DCDC2: variants seen among roughly 807,000 people sequenced by gnomAD.
The protein encoded by DCDC2 is doublecortin domain-containing protein 2.
DCDC2 carries 40 observed loss-of-function variants against 50.2 expected under a neutral mutation model. That is an observed-to-expected ratio of 0.80 (90% CI 0.62 to 1.04). DCDC2 has a LOEUF of 1.04. Ranked by LOEUF, DCDC2 falls within the 50% of genes least tolerant of loss-of-function variation. The probability of loss-of-function intolerance (pLI) is 0.00; values close to 1 mark genes in which losing one functional copy is unlikely to be tolerated. For synonymous variants in DCDC2, 234 were observed against 210.6 expected, an observed-to-expected ratio of 1.11 and a Z score of -0.96; for missense variants, 570 against 581.9, an observed-to-expected ratio of 0.98 and a Z score of 0.21.
intron 2 of DCDC2, among the ~76,000 whole-genome samples, chr6:24,321,478 G>C (rs1759772829): frequency 6.6e-6 from 1 of 152,096 alleles, no homozygotes; most frequent in Non-Finnish European, 1.5e-5. Context: ...TGTACTGCAA[G>C]GACAAATACA....
chr6:24,327,453 C>CTTATTTATTTATTTATTTATTTAT (rs58552034), intron 2 of DCDC2, among the ~76,000 whole-genome samples: 5 of 136,612 alleles, frequency 3.7e-5, no homozygotes, highest in African/African-American at 5.4e-5. Flanking sequence ...ACATTATAAA[C>CTTATTTATTTATTTATTTATTTAT]TTATTTATTT....
chr6:24,330,198 C>A (rs990723596), intron 2 of DCDC2, among the ~76,000 whole-genome samples: 1 of 152,112 alleles, frequency 6.6e-6, no homozygotes, highest in African/African-American at 2.4e-5. Flanking sequence ...CTGGCTGATC[C>A]CTCCTGGTAT....
At chr6:24,235,315 G>A (rs539164387) in intron 7 of DCDC2, among the ~76,000 whole-genome samples, 1 of 152,188 alleles carries the variant, frequency 6.6e-6, no homozygotes, top group Non-Finnish European at 1.5e-5. Context: ...AAGCAGGAAA[G>A]ATCCTCTTTT....
intron 1 of DCDC2, among the ~76,000 whole-genome samples, chr6:24,354,337 C>T (rs1760427072): frequency 6.6e-6 from 1 of 151,974 alleles, no homozygotes; most frequent in Admixed American, 6.6e-5. Flanking sequence ...ATAAAATGTG[C>T]TAAATAAACA....
At chr6:24,208,934 G>T (rs1455621710) in intron 7 of DCDC2, among the ~76,000 whole-genome samples, 1 of 152,196 alleles carries the variant, frequency 6.6e-6, no homozygotes, top group Non-Finnish European at 1.5e-5. Flanking sequence ...AATACAATCT[G>T]TATTCATATA....
chr6:24,343,367 T>C (rs1053057131), intron 2 of DCDC2, among the ~76,000 whole-genome samples: 7 of 152,192 alleles, frequency 4.6e-5, no homozygotes, highest in African/African-American at 1.4e-4. Context: ...CTTGAGGAAA[T>C]GTAAAATCAT....
chr6:24,212,864 A>G (rs1581590034), intron 7 of DCDC2, among the ~76,000 whole-genome samples: 1 of 152,220 alleles, frequency 6.6e-6, no homozygotes, highest in East Asian at 1.9e-4. Flanking sequence ...GGGAAGTCAT[A>G]TCACCACTGT....
At chr6:24,261,204 C>CT (rs10694761) in intron 7 of DCDC2, among the ~76,000 whole-genome samples, 31,695 of 135,584 alleles carry the variant, frequency 0.23, 4,113 homozygotes, top group African/African-American at 0.34. Flanking sequence ...CATTTTCTTG[C>CT]TTTTTTTTTT....
At chr6:24,259,425 G>T (rs1004234750) in intron 7 of DCDC2, among the ~76,000 whole-genome samples, 25 of 152,120 alleles carry the variant, frequency 1.6e-4, no homozygotes. Context: ...ATTTTTAGAA[G>T]AGTGCATGGC....
chr6:24,230,575 T>C (rs1762320447), intron 7 of DCDC2, among the ~76,000 whole-genome samples: 1 of 152,088 alleles, frequency 6.6e-6, no homozygotes. Context: ...GCCCGGGAGT[T>C]CGAGGCTGCA....
At chr6:24,280,368 G>GC (rs1472382255) in intron 6 of DCDC2, among the ~76,000 whole-genome samples, 1 of 140,684 alleles carries the variant, frequency 7.1e-6, no homozygotes, top group Non-Finnish European at 1.6e-5. Context: ...GCAACCAGGG[G>GC]TTTTTTTTTT....
chr6:24,313,716 T>C (rs1759612962), intron 2 of DCDC2, among the ~76,000 whole-genome samples: 1 of 152,224 alleles, frequency 6.6e-6, no homozygotes, highest in South Asian at 2.1e-4. Flanking sequence ...CAACTGTACA[T>C]GATCTACATT....
At chr6:24,249,320 A>C (rs757626767) in intron 7 of DCDC2, among the ~76,000 whole-genome samples, 10 of 152,162 alleles carry the variant, frequency 6.6e-5, no homozygotes, top group Admixed American at 1.3e-4. Flanking sequence ...TTAATTGCTA[A>C]AATTCTATTT....
At position 24,174,500 on chromosome 6, in the gene DCDC2, T is replaced by C; in HGVS notation, c.*230A>G. Reference sequence around the variant, plus strand: ...TGCAAATTCTCCTCTGTCCGTCTTATTTAATATTTCTATATGACTTTTAAA... The same window carrying C: ...TGCAAATTCTCCTCTGTCCGTCTTACTTAATATTTCTATATGACTTTTAAA... On this transcript the variant is annotated 3_prime_UTR_variant, in exon 10 of 10. Coordinates refer to ENST00000378454, the MANE Select transcript of DCDC2 (RefSeq NM_016356.5). 3.1e-6 allele frequency: 1 copy of C among 320,566 alleles called. No homozygotes were observed. The allele number at this position is 320,566 out of a possible 1,614,324, so 19.9% of individuals were successfully genotyped here. A position where few individuals can be genotyped will look rare whatever the true frequency, so the allele number is the denominator to read the frequency against.
At chr6:24,253,749 A>T (rs1754516534) in intron 7 of DCDC2, among the ~76,000 whole-genome samples, 2 of 152,174 alleles carry the variant, frequency 1.3e-5, no homozygotes, top group African/African-American at 4.8e-5. Context: ...CCATGAATGG[A>T]GCTTGCAGGA....
chr6:24,243,168 C>CA (rs1762601037), intron 7 of DCDC2, among the ~76,000 whole-genome samples: 1 of 152,126 alleles, frequency 6.6e-6, no homozygotes, highest in Non-Finnish European at 1.5e-5. Context: ...CTAAACCTGT[C>CA]AGTAATCTAA....
intron 7 of DCDC2, among the ~76,000 whole-genome samples, chr6:24,210,321 A>G (rs1380940856): frequency 1.3e-5 from 2 of 152,118 alleles, no homozygotes; most frequent in African/African-American, 4.8e-5. Flanking sequence ...ATATATATCT[A>G]TCTAACTGTC....
chr6:24,327,680 G>A (rs1759899232), intron 2 of DCDC2, among the ~76,000 whole-genome samples: 1 of 152,028 alleles, frequency 6.6e-6, no homozygotes, highest in Non-Finnish European at 1.5e-5. Flanking sequence ...CACCATGGCA[G>A]CCAGGCTGGT....
chr6:24,207,638 C>T (rs1761750802), intron 7 of DCDC2, among the ~76,000 whole-genome samples: 1 of 152,144 alleles, frequency 6.6e-6, no homozygotes, highest in Non-Finnish European at 1.5e-5. Context: ...GATGTTTACT[C>T]TTCCACATTC....
Sources: gnomAD v4.1 joint callset for allele counts (sites outside exome capture counted in the v4.1 genomes callset) on GRCh38, gnomAD v4.1.1 for gene constraint, MANE v1.5 for transcripts, NCBI Gene and HGNC (gene_info 2026-07-23, HGNC 2026-07-21) for gene names.